The following PSPC1 variants were observed in gnomAD, a reference collection of about 807,000 sequenced individuals.
PSPC1 encodes the protein paraspeckle component 1, also known as paraspeckle protein 1.
PSPC1 carries 14 observed loss-of-function variants against 51.6 expected under a neutral mutation model. That is an observed-to-expected ratio of 0.27 (90% CI 0.18 to 0.42). PSPC1 has a LOEUF of 0.42. Among genes scored for constraint, PSPC1 ranks in the 10% least tolerant of loss-of-function variants. The probability of loss-of-function intolerance (pLI) is 1.00; values close to 1 mark genes in which losing one functional copy is unlikely to be tolerated. For missense variants in PSPC1, 406 were observed against 701.1 expected (o/e 0.58, Z 4.75); for synonymous variants, 193 against 231.9 (o/e 0.83, Z 1.53).
Position 19,709,461 on chromosome 13 carries a change from T to A in PSPC1, c.1216+81A>T. ...TTGGTTCTGTATTTTAGTTTCTTAC[T>A]GATATGTAGATACCACAAACAGCAT... On this transcript the variant is annotated intron_variant, in intron 7 of 8. Transcript: ENST00000338910. 2.7e-6 allele frequency: 3 copies of A among 1,091,664 alleles called. No homozygotes were observed. The South Asian group carries it at 4.8e-5, about 17-fold the overall frequency. 67.6% of individuals were successfully genotyped at this position (1,091,664 alleles called of 1,614,324 possible).
At chr13:19,775,716 T>C (rs1889047461) in intron 1 of PSPC1, among the ~76,000 whole-genome samples, 1 of 152,080 alleles carries the variant, frequency 6.6e-6, no homozygotes, top group African/African-American at 2.4e-5. Context: ...CATCATATAA[T>C]CCAACAACTC....
chr13:19,733,104 G>A (rs1012491446), intron 5 of PSPC1, among the ~76,000 whole-genome samples: 1 of 152,064 alleles, frequency 6.6e-6, no homozygotes, highest in Non-Finnish European at 1.5e-5. Flanking sequence ...AAATGTGCAG[G>A]GACATATGTA....
At chr13:19,717,305 C>T (rs1444061641) in intron 6 of PSPC1, among the ~76,000 whole-genome samples, 1 of 152,042 alleles carries the variant, frequency 6.6e-6, no homozygotes, top group Non-Finnish European at 1.5e-5. Context: ...GTGGCTCACA[C>T]TTGTAATCCC....
chr13:19,701,140 T>C (rs1007457060), downstream of PSPC1, among the ~76,000 whole-genome samples: 2 of 152,010 alleles, frequency 1.3e-5, no homozygotes, highest in East Asian at 1.9e-4. Context: ...GTTCAGGAGA[T>C]TAAGACATCT....
chr13:19,713,007 A>G (rs886498937), intron 6 of PSPC1, among the ~76,000 whole-genome samples: 2 of 152,072 alleles, frequency 1.3e-5, no homozygotes, highest in African/African-American at 4.8e-5. Context: ...AAAATGAAAT[A>G]CAGCATTCTT....
At chr13:19,743,143 CTT>C (rs1885603251) in intron 4 of PSPC1, among the ~76,000 whole-genome samples, 1 of 152,046 alleles carries the variant, frequency 6.6e-6, no homozygotes, top group Non-Finnish European at 1.5e-5. Context: ...AGCTAAAAAT[CTT>C]TGTGTGTGAT....
At chr13:19,755,588 CAA>C (rs1043280221) in intron 3 of PSPC1, among the ~76,000 whole-genome samples, 2 of 113,860 alleles carry the variant, frequency 1.8e-5, no homozygotes, top group Non-Finnish European at 1.9e-5. Flanking sequence ...AACTCCATCT[CAA>C]AAAAAAAAAA....
At chr13:19,769,603 C>T (rs1176105047) in intron 2 of PSPC1, among the ~76,000 whole-genome samples, 24 of 150,330 alleles carry the variant, frequency 1.6e-4, no homozygotes, top group Admixed American at 1.1e-3. Flanking sequence ...GGCATGGTGG[C>T]GCATGCCTGT....
intron 2 of PSPC1, among the ~76,000 whole-genome samples, chr13:19,760,201 C>T (rs1364073391): frequency 3.3e-5 from 5 of 152,232 alleles, no homozygotes; most frequent in Non-Finnish European, 4.4e-5. Flanking sequence ...ACCCAGTTTC[C>T]CTGTATCTAT....
intron 3 of PSPC1, among the ~76,000 whole-genome samples, chr13:19,758,294 C>G (rs530280242): frequency 1.0e-4 from 15 of 150,258 alleles, no homozygotes; most frequent in Admixed American, 4.0e-4. Context: ...GCCTGGGCAA[C>G]AGAGTGAGAC....
At chr13:19,713,955 G>A (rs1459287540) in intron 6 of PSPC1, among the ~76,000 whole-genome samples, 1 of 152,170 alleles carries the variant, frequency 6.6e-6, no homozygotes, top group African/African-American at 2.4e-5. Flanking sequence ...GTAATGGCTA[G>A]GAAAAGTCCC....
At chr13:19,749,740 G>T (rs562788501) in intron 4 of PSPC1, among the ~76,000 whole-genome samples, 8 of 150,688 alleles carry the variant, frequency 5.3e-5, no homozygotes, top group Admixed American at 1.3e-4. Flanking sequence ...CTGGGTTCAA[G>T]TAATTCCCTG....
chr13:19,779,198 G>A (rs1889581006), intron 1 of PSPC1, among the ~76,000 whole-genome samples: 1 of 94,916 alleles, frequency 1.1e-5, no homozygotes, highest in Non-Finnish European at 2.3e-5. Flanking sequence ...TGAGAAGTGA[G>A]GAGCCTCTCC....
At position 19,780,682 on chromosome 13, in the gene PSPC1, G is replaced by A. The variant is rs548518412; in HGVS notation, c.372+1704C>T. ...AGGGACACAAACACTGCGGAAGGCC[G>A]CAGGGTCCTCTGCCTAGGAAAACCA... On this transcript the variant is annotated intron_variant, in intron 1 of 8. Coordinates refer to ENST00000338910, the MANE Select transcript of PSPC1 (RefSeq NM_001354909.2). 4.8e-3 allele frequency among the ~76,000 whole-genome samples: 663 copies of A among 137,866 alleles called. 2 individuals are homozygous for A. Among genetic ancestry groups the A allele is most frequent in the Admixed American group, 0.01 (131 of 12,968 alleles). The allele number at this position is 137,866 out of a possible 152,430, so 90.4% of individuals were successfully genotyped here.
intron 2 of PSPC1, among the ~76,000 whole-genome samples, chr13:19,772,031 A>T (rs530831092): frequency 3.3e-5 from 5 of 152,342 alleles, no homozygotes; most frequent in African/African-American, 1.2e-4. Context: ...AATACAAAAC[A>T]CTGCAGAGAT....
chr13:19,705,406 T>C (rs78315037), intron 8 of PSPC1, among the ~76,000 whole-genome samples: 1 of 152,108 alleles, frequency 6.6e-6, no homozygotes, highest in Non-Finnish European at 1.5e-5. Context: ...GGCAGGAGAA[T>C]TGCTTGAACC....
intron 5 of PSPC1, among the ~76,000 whole-genome samples, chr13:19,735,363 A>G (rs569313997): frequency 9.2e-5 from 14 of 152,292 alleles, no homozygotes; most frequent in Admixed American, 8.5e-4. Flanking sequence ...GGGTGGAAAG[A>G]GAAGGAATGA....
At chr13:19,671,813 T>G (rs375068160), downstream of PSPC1, 4 of 1,613,266 alleles carry the variant, frequency 2.5e-6, no homozygotes, top group African/African-American at 5.3e-5. Flanking sequence ...TACTGACACC[T>G]GCGTTCTTTT....
At chr13:19,723,782 C>G (rs1883052385) in intron 6 of PSPC1, among the ~76,000 whole-genome samples, 1 of 152,052 alleles carries the variant, frequency 6.6e-6, no homozygotes, top group African/African-American at 2.4e-5. Context: ...TGTACCGTGC[C>G]AAATATTGAG....
Sources: allele counts gnomAD v4.1 joint callset (sites outside exome capture counted in the v4.1 genomes callset), GRCh38; gene constraint gnomAD v4.1.1; transcripts MANE v1.5; gene names NCBI Gene and HGNC (gene_info 2026-07-23, HGNC 2026-07-21).